HS6ST3: variants seen among roughly 807,000 people sequenced by gnomAD.
HS6ST3 encodes the protein heparan sulfate 6-O-sulfotransferase 3, also known as heparan-sulfate 6-O-sulfotransferase 3.
A neutral mutation model predicts 36.7 loss-of-function variants in HS6ST3; 12 were observed. The observed-to-expected ratio is 0.33, with a 90% CI of 0.21 to 0.53. The LOEUF is 0.53. HS6ST3 is among the 20% of genes least tolerant of loss of function. The pLI is 0.95. For synonymous variants in HS6ST3, 240 were observed against 257.5 expected, an observed-to-expected ratio of 0.93 and a Z score of 0.65; for missense variants, 584 against 640.9, an observed-to-expected ratio of 0.91 and a Z score of 0.96.
intron 1 of HS6ST3, among the ~76,000 whole-genome samples, chr13:96,616,062 G>A (rs2056473323): frequency 6.6e-6 from 1 of 152,182 alleles, no homozygotes; most frequent in African/African-American, 2.4e-5. Context: ...TGGTTAGATA[G>A]TATTTTCTCA....
At chr13:96,744,851 C>T (rs1307237571) in intron 1 of HS6ST3, among the ~76,000 whole-genome samples, 2 of 152,062 alleles carry the variant, frequency 1.3e-5, no homozygotes, top group Non-Finnish European at 2.9e-5. Context: ...CCCATTTTTA[C>T]CTGGGTTCTT....
chr13:96,148,168 A>G (rs1220382314), intron 1 of HS6ST3, among the ~76,000 whole-genome samples: 2 of 152,204 alleles, frequency 1.3e-5, no homozygotes, highest in Admixed American at 6.5e-5. Flanking sequence ...TGTGACCATA[A>G]ACATACCATA....
At chr13:96,784,920 C>A (rs1292066356) in intron 1 of HS6ST3, among the ~76,000 whole-genome samples, 7 of 152,164 alleles carry the variant, frequency 4.6e-5, no homozygotes, top group Non-Finnish European at 7.3e-5. Flanking sequence ...GCGATCCCAG[C>A]ACTTTGGAAG....
intron 1 of HS6ST3, among the ~76,000 whole-genome samples, chr13:96,614,989 A>C (rs947260936): frequency 6.6e-6 from 1 of 152,134 alleles, no homozygotes; most frequent in African/African-American, 2.4e-5. Context: ...AGAGTTTGGC[A>C]TAGATATTTT....
At chr13:96,215,677 T>G (rs1050280565) in intron 1 of HS6ST3, among the ~76,000 whole-genome samples, 1 of 152,204 alleles carries the variant, frequency 6.6e-6, no homozygotes, top group African/African-American at 2.4e-5. Flanking sequence ...CCCTTTATTT[T>G]TTTTTATCAA....
intron 1 of HS6ST3, among the ~76,000 whole-genome samples, chr13:96,098,105 T>C (rs568953782): frequency 2.0e-5 from 3 of 152,314 alleles, no homozygotes; most frequent in East Asian, 1.9e-4. Context: ...ATTGGACTTA[T>C]TGGACTTGTT....
At chr13:96,307,399 G>C (rs1374412471) in intron 1 of HS6ST3, among the ~76,000 whole-genome samples, 4 of 151,994 alleles carry the variant, frequency 2.6e-5, no homozygotes, top group African/African-American at 9.7e-5. Flanking sequence ...TACATCACTA[G>C]ATGAATGATA....
intron 1 of HS6ST3, among the ~76,000 whole-genome samples, chr13:96,664,814 A>G (rs994660139): frequency 5.3e-5 from 8 of 152,118 alleles, no homozygotes; most frequent in Admixed American, 2.6e-4. Flanking sequence ...ATCTCTTATA[A>G]TAACTCTACT....
intron 1 of HS6ST3, among the ~76,000 whole-genome samples, chr13:96,143,445 A>C (rs562827333): frequency 6.7e-6 from 1 of 148,594 alleles, no homozygotes; most frequent in East Asian, 1.9e-4. Flanking sequence ...ATATATGTTT[A>C]TATAAATATA....
intron 1 of HS6ST3, among the ~76,000 whole-genome samples, chr13:96,670,489 A>ACATT (rs2056679383): frequency 6.6e-6 from 1 of 152,124 alleles, no homozygotes; most frequent in South Asian, 2.1e-4. Context: ...AAGAATGTAT[A>ACATT]CTAGCGGGAA....
At chr13:96,664,659 C>G (rs1220089980) in intron 1 of HS6ST3, among the ~76,000 whole-genome samples, 1 of 152,110 alleles carries the variant, frequency 6.6e-6, no homozygotes, top group Non-Finnish European at 1.5e-5. Flanking sequence ...GAGGGGATCT[C>G]TTTTGAAAAT....
At position 96,720,253 on chromosome 13, in the gene HS6ST3, T is replaced by C. The variant is rs142367307; in HGVS notation, c.708-112237T>C. On this transcript the variant is annotated intron_variant, in intron 1 of 1. Coordinates refer to ENST00000376705, the MANE Select transcript of HS6ST3 (RefSeq NM_153456.4). ...TGTAGTTTTATCTTACAAAATAGATTATAAGCTCTACAAGACCATGACCAT... is the reference window on the plus strand; with the variant it reads ...TGTAGTTTTATCTTACAAAATAGATCATAAGCTCTACAAGACCATGACCAT... 3.9e-3 allele frequency among the ~76,000 whole-genome samples: 595 copies of C among 152,302 alleles called. 3 individuals carry two copies. The highest frequency in any genetic ancestry group is 0.01 in the South Asian group (50 of 4,832).
chr13:96,143,734 C>A (rs1173172486), intron 1 of HS6ST3, among the ~76,000 whole-genome samples: 1 of 152,084 alleles, frequency 6.6e-6, no homozygotes, highest in Admixed American at 6.6e-5. Flanking sequence ...TGTTTGGGAG[C>A]TGGTTACACA....
At chr13:96,131,935 C>A (rs1241450622) in intron 1 of HS6ST3, among the ~76,000 whole-genome samples, 1 of 151,846 alleles carries the variant, frequency 6.6e-6, no homozygotes, top group African/African-American at 2.4e-5. Flanking sequence ...TTATATGGTA[C>A]TCTACTTTTT....
intron 1 of HS6ST3, among the ~76,000 whole-genome samples, chr13:96,484,219 T>C (rs2055903029): frequency 6.6e-6 from 1 of 152,112 alleles, no homozygotes; most frequent in African/African-American, 2.4e-5. Flanking sequence ...TTTTGATATA[T>C]GTGTATATTG....
rs151181590 is a variant in HS6ST3, at chr13:96,140,699, A to G, written c.707+49130A>G. On this transcript the variant is annotated intron_variant, in intron 1 of 1. Transcript: ENST00000376705. ...GTGAAGCCATTGCTGCAGTTACACT[A>G]GAAGGTGAGAAAACCTTGTACTTCT... Among the ~76,000 whole-genome samples, 960 of 152,354 alleles carry G rather than the reference A, an allele frequency of 6.3e-3. 5 individuals carry two copies. The highest frequency in any genetic ancestry group is 0.011 in the Non-Finnish European group (736 of 68,018).
intron 1 of HS6ST3, among the ~76,000 whole-genome samples, chr13:96,637,908 C>G (rs530901106): frequency 3.9e-5 from 6 of 152,214 alleles, no homozygotes; most frequent in African/African-American, 1.2e-4. Context: ...TTCAGAGACA[C>G]TCCTCTGGTT....
At position 96,505,199 on chromosome 13, in the gene HS6ST3, T is replaced by C. The variant is rs1004261384; in HGVS notation, c.708-327291T>C. 6.6e-5 allele frequency among the ~76,000 whole-genome samples: 10 copies of C among 152,300 alleles called. 1 individual carries two copies. The South Asian group carries it at 2.1e-3, about 32-fold the overall frequency. ...CATCCTGTGCAATCACATGGGGGAA[T>C]TCCCAAAAGATAGGCAGGCTGCGGT... On this transcript the variant is annotated intron_variant, in intron 1 of 1. Transcript: ENST00000376705.
intron 1 of HS6ST3, among the ~76,000 whole-genome samples, chr13:96,236,320 A>G (rs2054534434): frequency 6.6e-6 from 1 of 152,170 alleles, no homozygotes; most frequent in Non-Finnish European, 1.5e-5. Flanking sequence ...GCATCCTTCA[A>G]TCCAATCAAG....
Sources: allele counts gnomAD v4.1 joint callset (sites outside exome capture counted in the v4.1 genomes callset), GRCh38; gene constraint gnomAD v4.1.1; transcripts MANE v1.5; gene names NCBI Gene and HGNC (gene_info 2026-07-23, HGNC 2026-07-21).